The following PIGF variants were observed in gnomAD, a reference collection of about 807,000 sequenced individuals.
PIGF encodes GPI ethanolamine phosphate transferase, stabilizing subunit.
In PIGF, 23 loss-of-function variants were observed where a neutral mutation model predicts 26.0. The observed-to-expected ratio is 0.88, with a 90% CI of 0.64 to 1.25. PIGF has a LOEUF of 1.25. Ranked by LOEUF, PIGF falls within the 50% of genes most tolerant of loss-of-function variation. The pLI, the probability that PIGF is intolerant of heterozygous loss-of-function variation, is 0.00. For missense variants in PIGF, 278 were observed against 249.9 expected (o/e 1.11, Z -0.76); for synonymous variants, 93 against 92.6 (o/e 1.00, Z -0.03).
Position 46,591,382 on chromosome 2 carries a change from T to C in PIGF, c.546+1093A>G, listed in dbSNP as rs1375094024. On this transcript the variant is annotated intron_variant, in intron 5 of 5. Transcript: ENST00000281382. ...TCTGGGTGGTTGGGGAGGAAAGTAA[T>C]TTTTACTTTCTTCCTTAGAATTACT... 1.4e-5 allele frequency: 4 copies of C among 293,418 alleles called. No homozygotes were observed. The East Asian group carries it at 6.8e-4, about 50-fold the overall frequency. 18.2% of individuals were successfully genotyped at this position (293,418 alleles called of 1,614,324 possible).
At chr2:46,612,598 T>C (rs1670457440) in intron 3 of PIGF, among the ~76,000 whole-genome samples, 1 of 152,220 alleles carries the variant, frequency 6.6e-6, no homozygotes, top group South Asian at 2.1e-4. Flanking sequence ...GCTGAGACTT[T>C]CACTGCAAAC....
At chr2:46,612,186 T>C in intron 4 of PIGF, 42 bp downstream of exon 4, 1 of 606,990 alleles carries the variant, frequency 1.6e-6, no homozygotes, top group Non-Finnish European at 2.6e-6. Flanking sequence ...CATTAATTAT[T>C]TTTTAATTTC....
rs747809849 is a variant in PIGF, at chr2:46,612,348, GAA to G, written c.321-6_321-5del. ...TAAAAATGTTTCCAATGCCAACCTAGAAAAAAAAAAAGATTACTTTTTAAAAA... is the reference window on the plus strand; with the variant it reads ...TAAAAATGTTTCCAATGCCAACCTAGAAAAAAAAAGATTACTTTTTAAAAA... On this transcript the variant is annotated splice_polypyrimidine_tract_variant and splice_region_variant and intron_variant, in intron 3 of 5. Transcript: ENST00000281382. The G allele has an allele frequency of 1.3e-4, 109 of 832,634 alleles. No homozygotes were observed. The highest frequency in any genetic ancestry group is 4.3e-4 in the South Asian group (20 of 46,062). 51.6% of individuals were successfully genotyped at this position (832,634 alleles called of 1,614,324 possible).
At position 46,588,371 on chromosome 2, in the gene PIGF, A is replaced by C; in HGVS notation, c.546+4104T>G. The stretch of plus-strand genomic sequence containing the variant: ...ATATGAGAACTCAAATAAATCATGG[A>C]ATTTGCATTTTTTGAAGGCTAAAAA... On this transcript the variant is annotated intron_variant, in intron 5 of 5. Transcript: ENST00000281382. The surrounding 1 kb of genome is among the most constrained non-coding windows in gnomAD (Gnocchi z 4.1). 1 of 721,514 alleles carries C rather than the reference A, an allele frequency of 1.4e-6. No individual in the cohort carries two copies. The allele number at this position is 721,514 out of a possible 1,614,324, so 44.7% of individuals were successfully genotyped here. A position where few individuals can be genotyped will look rare whatever the true frequency, so the allele number is the denominator to read the frequency against.
intron 5 of PIGF, chr2:46,582,972 T>C (rs541981654): frequency 1.3e-5 from 2 of 152,302 alleles, no homozygotes; most frequent in South Asian, 4.1e-4. Context: ...TCAAATGGAA[T>C]CTTATGTAAC....
intron 5 of PIGF, chr2:46,591,640 A>G: frequency 2.2e-6 from 2 of 928,870 alleles, no homozygotes; most frequent in Non-Finnish European, 2.6e-6. Context: ...TCAATAGTGA[A>G]TTTGTTAAAT....
intron 4 of PIGF, among the ~76,000 whole-genome samples, chr2:46,604,030 A>G (rs1019294677): frequency 1.3e-5 from 2 of 152,062 alleles, no homozygotes; most frequent in African/African-American, 4.8e-5. Context: ...ACCCCTAATA[A>G]TCCAATTTAC....
Position 46,581,605 on chromosome 2 carries a change from G to A in PIGF, c.547-14C>T. ...GATGGGCCATACCTGAGGAGAGAATGTATGAGATCAAAAAAGAACAAATGT... is the reference window on the plus strand; with the variant it reads ...GATGGGCCATACCTGAGGAGAGAATATATGAGATCAAAAAAGAACAAATGT... On this transcript the variant is annotated splice_polypyrimidine_tract_variant and intron_variant, in intron 5 of 5. Coordinates refer to ENST00000281382, the MANE Select transcript of PIGF (RefSeq NM_002643.4). 2.5e-6 allele frequency: 4 copies of A among 1,609,058 alleles called. No individual in the cohort carries two copies. Among genetic ancestry groups the A allele is most frequent in the South Asian group, 1.1e-5 (1 of 90,622 alleles).
chr2:46,593,527 G>A (rs1306255742), intron 4 of PIGF, among the ~76,000 whole-genome samples: 1 of 152,210 alleles, frequency 6.6e-6, no homozygotes, highest in African/African-American at 2.4e-5. Flanking sequence ...TATTTCAAAA[G>A]ATCTGGTGAT....
intron 4 of PIGF, among the ~76,000 whole-genome samples, chr2:46,596,620 A>G (rs1056883851): frequency 6.6e-6 from 1 of 152,102 alleles, no homozygotes; most frequent in South Asian, 2.1e-4. Context: ...TCCAAGACAG[A>G]TATTTTCAAC....
chr2:46,610,569 G>A (rs1572785152), intron 4 of PIGF, among the ~76,000 whole-genome samples: 2 of 112,134 alleles, frequency 1.8e-5, no homozygotes. Flanking sequence ...TCACTATGTT[G>A]CCCAGGCTGG....
chr2:46,591,490 C>T (rs1308900457), intron 5 of PIGF: 1 of 815,008 alleles, frequency 1.2e-6, no homozygotes, highest in African/African-American at 1.9e-5. Flanking sequence ...AAAGAAAGCA[C>T]ATTTATTTTT....
chr2:46,587,866 A>C (rs2104068241), intron 5 of PIGF, among the ~76,000 whole-genome samples: 1 of 152,348 alleles, frequency 6.6e-6, no homozygotes, highest in Admixed American at 6.5e-5. Flanking sequence ...TAAGTAATTT[A>C]GCTATTCCAA....
In PIGF at chr2:46,581,461, A is replaced by G. The variant is rs1334335651; in HGVS notation, c.*17T>C. On this transcript the variant is annotated 3_prime_UTR_variant, in exon 6 of 6. Coordinates refer to ENST00000281382, the MANE Select transcript of PIGF (RefSeq NM_002643.4). ...CCTTACAGAATCTGCACAAAGAAAT[A>G]TCTCCCTTTGCTCCAGTTAATTGTT... The G allele has an allele frequency of 6.2e-7, 1 of 1,608,384 alleles. No individual in the cohort carries two copies. Among genetic ancestry groups the G allele is most frequent in the East Asian group, 2.2e-5 (1 of 44,762 alleles).
rs1669628864 is a variant in PIGF at position 46,588,002 on chromosome 2, T to C, written c.546+4473A>G. Reference sequence around the variant, plus strand: ...AGTCTCCCTCTTCCCACCTGAGTAATGCTAAGCAAGATGTGTACTCCTCCC... The same window carrying C: ...AGTCTCCCTCTTCCCACCTGAGTAACGCTAAGCAAGATGTGTACTCCTCCC... On this transcript the variant is annotated intron_variant, in intron 5 of 5. Transcript: ENST00000281382. This position sits in a 1 kb window ranked among gnomAD's most constrained non-coding sequence, Gnocchi z 4.1. 4.6e-6 allele frequency: 6 copies of C among 1,310,538 alleles called. No homozygotes were observed. The South Asian group carries it at 1.1e-4, about 23-fold the overall frequency. The allele number at this position is 1,310,538 out of a possible 1,614,324, so 81.2% of individuals were successfully genotyped here.
At chr2:46,615,653 T>C (rs1197918386) in intron 1 of PIGF, 1 of 156,806 alleles carries the variant, frequency 6.4e-6, no homozygotes, top group Non-Finnish European at 1.4e-5. Context: ...GTTGGTATTT[T>C]TTTTTACTCT....
chr2:46,604,762 A>T (rs943700996), intron 4 of PIGF, among the ~76,000 whole-genome samples: 1 of 151,956 alleles, frequency 6.6e-6, no homozygotes, highest in Non-Finnish European at 1.5e-5. Flanking sequence ...ATGGGCATGA[A>T]AAAGATAGAA....
At chr2:46,615,601 G>T (rs1246411663) in intron 1 of PIGF, 1 of 159,532 alleles carries the variant, frequency 6.3e-6, no homozygotes, top group Non-Finnish European at 1.4e-5. Context: ...GAATGCATAG[G>T]TTATAATTCC....
At chr2:46,591,365 G>C (rs1669717547) in intron 5 of PIGF, 3 of 206,070 alleles carry the variant, frequency 1.5e-5, no homozygotes, top group Non-Finnish European at 2.6e-5. Context: ...CCTCTGGGTG[G>C]TTGGGGAGGA....
Sources: allele counts gnomAD v4.1 joint callset (sites outside exome capture counted in the v4.1 genomes callset), GRCh38; gene constraint gnomAD v4.1.1; non-coding constraint Gnocchi (gnomAD v3.1); transcripts MANE v1.5; gene names NCBI Gene and HGNC (gene_info 2026-07-23, HGNC 2026-07-21).